The following TBC1D5 variants were observed in gnomAD, a reference collection of about 807,000 sequenced individuals.
TBC1D5 encodes the protein TBC1 domain family, member 5.
A neutral mutation model predicts 100.3 loss-of-function variants in TBC1D5; 75 were observed. The observed-to-expected ratio is 0.75, with a 90% CI of 0.62 to 0.91. The LOEUF is 0.91. Among genes scored for constraint, TBC1D5 ranks in the 40% least tolerant of loss-of-function variants. TBC1D5 has a pLI of 0.00. For synonymous variants in TBC1D5, 323 were observed against 325.6 expected (o/e 0.99, Z 0.09); for missense variants, 910 against 942.4 (o/e 0.97, Z 0.45).
Position 17,573,944 on chromosome 3 carries a change from G to A in TBC1D5, c.-36+49905C>T, listed in dbSNP as rs189312454. 2.8e-3 allele frequency among the ~76,000 whole-genome samples: 427 copies of A among 151,902 alleles called. 1 individual carries two copies. The highest frequency in any genetic ancestry group is 9.3e-3 in the African/African-American group (384 of 41,428). On this transcript the variant is annotated intron_variant, in intron 2 of 21. Coordinates refer to ENST00000253692, the Ensembl canonical transcript of TBC1D5. ...ATTTTAACTCTGTTGATCCAGTACC[G>A]AGAACACTGCCACAGTACGTAAAAA... is the stretch of plus-strand genomic sequence containing the variant.
intron 2 of TBC1D5, among the ~76,000 whole-genome samples, chr3:17,534,170 T>C (rs941918713): frequency 2.6e-5 from 4 of 152,164 alleles, no homozygotes; most frequent in African/African-American, 9.6e-5. Flanking sequence ...TTATACAGAA[T>C]AACATCACTT....
intron 18 of TBC1D5, among the ~76,000 whole-genome samples, chr3:17,202,094 T>C (rs938920624): frequency 1.3e-5 from 2 of 152,196 alleles, no homozygotes; most frequent in Admixed American, 6.5e-5. Flanking sequence ...AAAATGCTGA[T>C]AGTGATATAG....
At chr3:17,455,406 G>A (rs977460506) in intron 3 of TBC1D5, among the ~76,000 whole-genome samples, 1 of 147,396 alleles carries the variant, frequency 6.8e-6, no homozygotes, top group Non-Finnish European at 1.5e-5. Flanking sequence ...ACACACACGT[G>A]TGTGTATATA....
At chr3:17,707,480 T>C (rs2074293017) in intron 1 of TBC1D5, among the ~76,000 whole-genome samples, 1 of 152,188 alleles carries the variant, frequency 6.6e-6, no homozygotes, top group Non-Finnish European at 1.5e-5. Context: ...CTGAAAGGAT[T>C]ACTTAACTAC....
At chr3:17,413,630 A>C (rs938370412) in intron 4 of TBC1D5, among the ~76,000 whole-genome samples, 66 of 152,350 alleles carry the variant, frequency 4.3e-4, no homozygotes, top group African/African-American at 1.6e-3. Flanking sequence ...AATAGTTGAA[A>C]TACCTTTATA....
At chr3:17,512,214 C>A (rs1001209149) in intron 2 of TBC1D5, among the ~76,000 whole-genome samples, 1 of 151,882 alleles carries the variant, frequency 6.6e-6, no homozygotes, top group African/African-American at 2.4e-5. Flanking sequence ...GATTACAAAG[C>A]AGAATATCAA....
chr3:17,302,723 G>A (rs550217277), intron 14 of TBC1D5, among the ~76,000 whole-genome samples: 1 of 152,236 alleles, frequency 6.6e-6, no homozygotes, highest in African/African-American at 2.4e-5. Context: ...CCCCAAGGAA[G>A]GCATGTCATC....
intron 2 of TBC1D5, among the ~76,000 whole-genome samples, chr3:17,540,949 GA>G (rs1177272984): frequency 2.0e-5 from 2 of 99,268 alleles, no homozygotes; most frequent in Non-Finnish European, 4.3e-5. Context: ...AAAGAAAAAA[GA>G]AAAAAATCAG....
chr3:17,359,669 C>T (rs1319513700), intron 13 of TBC1D5, among the ~76,000 whole-genome samples: 2 of 151,934 alleles, frequency 1.3e-5, no homozygotes, highest in Non-Finnish European at 2.9e-5. Context: ...CTGGTCACAA[C>T]CTATCAAAGA....
intron 3 of TBC1D5, among the ~76,000 whole-genome samples, chr3:17,486,104 AT>A: frequency 6.6e-6 from 1 of 151,908 alleles, no homozygotes; most frequent in Admixed American, 6.5e-5. Context: ...GATGATGAGC[AT>A]TTTTTCATGT....
intron 1 of TBC1D5, among the ~76,000 whole-genome samples, chr3:17,664,348 G>A (rs1002542069): frequency 1.3e-5 from 2 of 152,194 alleles, no homozygotes; most frequent in Non-Finnish European, 2.9e-5. Context: ...GGGATTACAG[G>A]TGTGAGCCAC....
chr3:17,237,556 T>C (rs549003556), intron 17 of TBC1D5, among the ~76,000 whole-genome samples: 5 of 152,330 alleles, frequency 3.3e-5, no homozygotes, highest in African/African-American at 4.8e-5. Flanking sequence ...CACTTACCCA[T>C]TGAGAGATAT....
intron 8 of TBC1D5, among the ~76,000 whole-genome samples, chr3:17,394,752 ACAAACCTTACAAACAAC>A (rs760981165): frequency 1.3e-5 from 2 of 151,354 alleles, no homozygotes; most frequent in African/African-American, 2.4e-5. Flanking sequence ...AAATATACCT[ACAAACCTTACAAACAAC>A]CAAACCTTTG....
Position 17,262,627 on chromosome 3 carries a change from G to A in TBC1D5, c.1246-4036C>T, listed in dbSNP as rs990896850. On this transcript the variant is annotated intron_variant, in intron 15 of 21. Coordinates refer to ENST00000253692, the Ensembl canonical transcript of TBC1D5. ...CTCCCGAGTAGCTGGGACTACAAGC[G>A]CCCGCCACTACGCCCAGCTAATTTT... Among the ~76,000 whole-genome samples the A allele has an allele frequency of 2.4e-4, 36 of 151,104 alleles. 1 individual carries two copies. In the East Asian group the frequency reaches 5.3e-3, roughly 22 times the overall value.
At chr3:17,405,956 A>T (rs189692948) in intron 5 of TBC1D5, among the ~76,000 whole-genome samples, 1 of 152,198 alleles carries the variant, frequency 6.6e-6, no homozygotes, top group South Asian at 2.1e-4. Flanking sequence ...GAGTGATCCA[A>T]TTTCCTTCCA....
At chr3:17,205,888 A>T (rs1185476850) in intron 18 of TBC1D5, among the ~76,000 whole-genome samples, 1 of 152,176 alleles carries the variant, frequency 6.6e-6, no homozygotes, top group African/African-American at 2.4e-5. Context: ...TGGTGATGCT[A>T]CTCAACAGCT....
At chr3:17,225,580 T>C (rs866629450) in intron 17 of TBC1D5, among the ~76,000 whole-genome samples, 4 of 151,988 alleles carry the variant, frequency 2.6e-5, no homozygotes, top group South Asian at 2.1e-4. Flanking sequence ...GACTGGAGGA[T>C]TGCCTGAGCC....
At chr3:17,403,343 TTC>T in intron 7 of TBC1D5, 95 bp from the exon 8 acceptor site, 1 of 786,044 alleles carries the variant, frequency 1.3e-6, no homozygotes. Flanking sequence ...AAATTTATTC[TTC>T]TCTGAGATCA....
chr3:17,251,128 T>C (rs2077130523), intron 16 of TBC1D5, among the ~76,000 whole-genome samples: 1 of 152,232 alleles, frequency 6.6e-6, no homozygotes, highest in Non-Finnish European at 1.5e-5. Flanking sequence ...CAAAGAGTTC[T>C]TCCACTTCTA....
Sources: allele counts gnomAD v4.1 joint callset (sites outside exome capture counted in the v4.1 genomes callset), GRCh38; gene constraint gnomAD v4.1.1; transcripts MANE v1.5; gene names NCBI Gene and HGNC (gene_info 2026-07-23, HGNC 2026-07-21).